Variants in VMP1 observed in about 807,000 individuals in gnomAD.
VMP1 encodes ectopic P-granules autophagy protein 3 homolog.
VMP1 carries 11 observed loss-of-function variants against 56.0 expected under a neutral mutation model. The observed-to-expected ratio is 0.20, with a 90% CI of 0.12 to 0.32. VMP1 has a LOEUF of 0.32. Among genes scored for constraint, VMP1 ranks in the 10% least tolerant of loss-of-function variants. The pLI is 1.00. For missense variants in VMP1, 296 were observed against 490.3 expected, an observed-to-expected ratio of 0.60 and a Z score of 3.74; for synonymous variants, 149 against 165.0, an observed-to-expected ratio of 0.90 and a Z score of 0.74.
intron 1 of VMP1, among the ~76,000 whole-genome samples, chr17:59,730,848 T>C (rs1257375462): frequency 1.3e-5 from 2 of 152,144 alleles, no homozygotes; most frequent in Non-Finnish European, 2.9e-5. Context: ...GTTTGGTTTT[T>C]TTTTTTGCCC....
intron 10 of VMP1, among the ~76,000 whole-genome samples, chr17:59,828,410 C>T (rs1162176050): frequency 2.0e-5 from 3 of 152,118 alleles, no homozygotes; most frequent in African/African-American, 7.2e-5. Flanking sequence ...ATAAAATACA[C>T]CTGGAGAAAG....
chr17:59,726,270 T>C (rs984259522), intron 1 of VMP1, among the ~76,000 whole-genome samples: 4 of 151,198 alleles, frequency 2.6e-5, no homozygotes, highest in Non-Finnish European at 5.9e-5. Flanking sequence ...TGGCTGAATA[T>C]GAACACACAT....
chr17:59,832,053 A>T (rs941850237), intron 10 of VMP1, among the ~76,000 whole-genome samples: 16 of 151,008 alleles, frequency 1.1e-4, no homozygotes, highest in South Asian at 2.1e-4. Context: ...TGGTGGAAAA[A>T]TTTTTTTTAA....
intron 6 of VMP1, among the ~76,000 whole-genome samples, chr17:59,772,891 T>A (rs905225537): frequency 1.3e-5 from 2 of 151,288 alleles, no homozygotes; most frequent in African/African-American, 2.4e-5. Flanking sequence ...TTAAAGCAAC[T>A]TCTGAAGTTC....
intron 6 of VMP1, among the ~76,000 whole-genome samples, chr17:59,770,554 T>C (rs2036386566): frequency 6.6e-6 from 1 of 152,096 alleles, no homozygotes; most frequent in South Asian, 2.1e-4. Context: ...ATTATCCAAT[T>C]AGTGTTCAAA....
At chr17:59,820,734 A>C (rs374904618) in intron 10 of VMP1, among the ~76,000 whole-genome samples, 1 of 152,314 alleles carries the variant, frequency 6.6e-6, no homozygotes, top group East Asian at 1.9e-4. Flanking sequence ...GTTTACTGTT[A>C]TGTCCACTGG....
chr17:59,720,227 A>G (rs1164815819), intron 1 of VMP1, among the ~76,000 whole-genome samples: 1 of 152,210 alleles, frequency 6.6e-6, no homozygotes, highest in Non-Finnish European at 1.5e-5. Context: ...TTCAAAAATT[A>G]TTGCTACTTT....
At chr17:59,709,269 A>T (rs1049206900) in intron 1 of VMP1, among the ~76,000 whole-genome samples, 2 of 152,186 alleles carry the variant, frequency 1.3e-5, no homozygotes, top group African/African-American at 4.8e-5. Flanking sequence ...TATCTTCTTT[A>T]TGTTCAATTG....
Position 59,742,192 on chromosome 17 carries a change from G to A in VMP1, c.414+3245G>A, listed in dbSNP as rs549612841. ...GGGAAATTTATAAAGGACTGAGAAC[G>A]CCTACAAAACAAAACAAAACAAAAA... On this transcript the variant is annotated intron_variant, in intron 5 of 11. Transcript: ENST00000262291. 3.3e-5 allele frequency among the ~76,000 whole-genome samples: 5 copies of A among 152,096 alleles called. No individual in the cohort carries two copies. The East Asian group carries it at 7.7e-4, about 23-fold the overall frequency.
intron 1 of VMP1, among the ~76,000 whole-genome samples, chr17:59,722,204 C>G (rs1340049354): frequency 6.6e-6 from 1 of 152,140 alleles, no homozygotes; most frequent in Non-Finnish European, 1.5e-5. Context: ...AGCATATACT[C>G]TCCTTATAGC....
chr17:59,777,687 G>A (rs549833962), intron 7 of VMP1, among the ~76,000 whole-genome samples: 2 of 152,108 alleles, frequency 1.3e-5, no homozygotes, highest in East Asian at 1.9e-4. Flanking sequence ...GGTCGTATGC[G>A]CCTGTAGTCC....
chr17:59,710,878 C>T (rs1487065706), intron 1 of VMP1, among the ~76,000 whole-genome samples: 1 of 152,112 alleles, frequency 6.6e-6, no homozygotes, highest in Non-Finnish European at 1.5e-5. Flanking sequence ...TGAGACTAGC[C>T]TGTCTAACAT....
chr17:59,808,312 G>A (rs2037921399), intron 7 of VMP1, among the ~76,000 whole-genome samples: 1 of 152,210 alleles, frequency 6.6e-6, no homozygotes, highest in South Asian at 2.1e-4. Context: ...TACAAAACTA[G>A]CACAAGCTGT....
In VMP1 at chr17:59,709,385, T is replaced by C. The variant is rs553984748; in HGVS notation, c.-27+1637T>C. Among the ~76,000 whole-genome samples, 39 of 152,374 alleles carry C rather than the reference T, an allele frequency of 2.6e-4. 1 individual carries two copies. The South Asian group carries it at 8.1e-3, about 32-fold the overall frequency. Reference sequence around the variant, plus strand: ...CTATTAAACTTTAAATCAGAAGACCTGGATTGAAGTCTGGGCTCCAACACT... The same window carrying C: ...CTATTAAACTTTAAATCAGAAGACCCGGATTGAAGTCTGGGCTCCAACACT... On this transcript the variant is annotated intron_variant, in intron 1 of 11. Transcript: ENST00000262291.
At chr17:59,745,094 C>G (rs2035374940) in intron 5 of VMP1, among the ~76,000 whole-genome samples, 1 of 152,108 alleles carries the variant, frequency 6.6e-6, no homozygotes, top group Non-Finnish European at 1.5e-5. Flanking sequence ...GGTACCCATT[C>G]CTATGGGAAG....
intron 7 of VMP1, among the ~76,000 whole-genome samples, chr17:59,784,286 T>C (rs1257254259): frequency 3.9e-5 from 6 of 152,174 alleles, no homozygotes; most frequent in Admixed American, 3.3e-4. Flanking sequence ...TATGCGGTAT[T>C]GTTCTTTTTC....
At chr17:59,794,970 G>A (rs1011831967) in intron 7 of VMP1, among the ~76,000 whole-genome samples, 6 of 148,358 alleles carry the variant, frequency 4.0e-5, no homozygotes, top group Non-Finnish European at 7.4e-5. Context: ...TAAACTAATC[G>A]TTGGCACTAA....
intron 7 of VMP1, among the ~76,000 whole-genome samples, chr17:59,794,166 TGCCTCA>T (rs1400819823): frequency 6.8e-6 from 1 of 147,832 alleles, no homozygotes; most frequent in African/African-American, 2.5e-5. Flanking sequence ...GTGATCTGCC[TGCCTCA>T]GCCTCCCAAA....
At chr17:59,748,655 T>C (rs1216380044) in intron 5 of VMP1, among the ~76,000 whole-genome samples, 1 of 152,172 alleles carries the variant, frequency 6.6e-6, no homozygotes, top group African/African-American at 2.4e-5. Context: ...CTATTATAAT[T>C]AGCAATATCA....
Sources: gnomAD v4.1 joint callset for allele counts (sites outside exome capture counted in the v4.1 genomes callset) on GRCh38, gnomAD v4.1.1 for gene constraint, MANE v1.5 for transcripts, NCBI Gene and HGNC (gene_info 2026-07-23, HGNC 2026-07-21) for gene names.